The following NR5A2 variants were observed in gnomAD, a reference collection of about 807,000 sequenced individuals.
The protein encoded by NR5A2 is nuclear receptor subfamily 5 group A member 2, also known as CYP7A promoter-binding factor.
Under a neutral mutation model 62.7 loss-of-function variants are expected in NR5A2, and 26 were observed. The observed-to-expected ratio is 0.41, with a 90% confidence interval of 0.30 to 0.58. The LOEUF (loss-of-function observed/expected upper bound fraction) is 0.58. Ranked by LOEUF, NR5A2 falls within the 20% of genes least tolerant of loss-of-function variation. The probability of loss-of-function intolerance (pLI) is 0.22; values close to 1 mark genes in which losing one functional copy is unlikely to be tolerated. For missense variants in NR5A2, 541 were observed against 669.1 expected, an observed-to-expected ratio of 0.81 and a Z score of 2.11; for synonymous variants, 246 against 241.7, an observed-to-expected ratio of 1.02 and a Z score of -0.16.
rs188201353 is a variant in NR5A2, at chr1:200,158,657, G to A, written c.1379-15306G>A. On this transcript the variant is annotated intron_variant, in intron 7 of 7. Transcript: ENST00000367362. The stretch of plus-strand genomic sequence containing the variant: ...GTCACCCAGGCTGGAGTGCAGTGGC[G>A]TGATCTCAGCTCTCTGCAACCTCCA... Among the ~76,000 whole-genome samples, 405 of 152,090 alleles carry A rather than the reference G, an allele frequency of 2.7e-3. 1 individual carries two copies. Among genetic ancestry groups the A allele is most frequent in the Non-Finnish European group, 4.4e-3 (296 of 67,974 alleles).
intron 5 of NR5A2, among the ~76,000 whole-genome samples, chr1:200,052,801 C>CT (rs1405568406): frequency 1.3e-5 from 2 of 151,900 alleles, no homozygotes; most frequent in Admixed American, 1.3e-4. Flanking sequence ...GCCACCACGC[C>CT]GGCTAATTTT....
intron 4 of NR5A2, 148 bp downstream of exon 4, chr1:200,045,732 C>T: frequency 1.7e-6 from 1 of 587,366 alleles, no homozygotes; most frequent in South Asian, 3.4e-5. Context: ...GTTTCATCTG[C>T]AGAATAGTCT....
intron 7 of NR5A2, among the ~76,000 whole-genome samples, chr1:200,157,829 G>C (rs986778079): frequency 3.3e-5 from 5 of 152,130 alleles, no homozygotes; most frequent in African/African-American, 1.2e-4. Context: ...TCCACTGCAT[G>C]ATTTTTCCCC....
chr1:200,066,924 T>C (rs2737651), intron 5 of NR5A2, among the ~76,000 whole-genome samples: 32,843 of 152,210 alleles, frequency 0.22, 4,886 homozygotes, highest in African/African-American at 0.42. Flanking sequence ...CATTCTTTTA[T>C]GTACAACTTA....
At chr1:200,092,258 C>T (rs1180455270) in intron 5 of NR5A2, among the ~76,000 whole-genome samples, 1 of 152,186 alleles carries the variant, frequency 6.6e-6, no homozygotes, top group African/African-American at 2.4e-5. Flanking sequence ...TATATAATTT[C>T]AGACATAATA....
intron 7 of NR5A2, among the ~76,000 whole-genome samples, chr1:200,126,372 C>A (rs981529364): frequency 6.6e-6 from 1 of 151,972 alleles, no homozygotes; most frequent in African/African-American, 2.4e-5. Context: ...AAGCAAAGTT[C>A]TTTTATCTGT....
chr1:200,095,858 T>C (rs1433020133), intron 5 of NR5A2, among the ~76,000 whole-genome samples: 2 of 152,100 alleles, frequency 1.3e-5, no homozygotes, highest in African/African-American at 4.8e-5. Flanking sequence ...GGCCAGCAAG[T>C]AATATTTTTT....
At chr1:200,053,816 G>A (rs1662780018) in intron 5 of NR5A2, among the ~76,000 whole-genome samples, 1 of 152,140 alleles carries the variant, frequency 6.6e-6, no homozygotes, top group African/African-American at 2.4e-5. Context: ...GGCCACTGGG[G>A]TATCATTCAG....
intron 5 of NR5A2, among the ~76,000 whole-genome samples, chr1:200,089,177 G>A (rs529746576): frequency 6.6e-6 from 1 of 152,172 alleles, no homozygotes; most frequent in East Asian, 1.9e-4. Context: ...CCTCCAATAA[G>A]CCTCATTTAG....
chr1:200,105,672 C>T (rs769921349), intron 5 of NR5A2, among the ~76,000 whole-genome samples: 1 of 152,148 alleles, frequency 6.6e-6, no homozygotes, highest in Non-Finnish European at 1.5e-5. Flanking sequence ...TAATCACTGG[C>T]CAGGCTCCGG....
At chr1:200,091,291 G>A (rs537623217) in intron 5 of NR5A2, among the ~76,000 whole-genome samples, 2 of 152,128 alleles carry the variant, frequency 1.3e-5, no homozygotes, top group East Asian at 3.9e-4. Context: ...TCATTTATTA[G>A]CTCACTAAAC....
intron 3 of NR5A2, among the ~76,000 whole-genome samples, chr1:200,044,863 G>A (rs1662283426): frequency 6.6e-6 from 1 of 151,660 alleles, no homozygotes; most frequent in African/African-American, 2.4e-5. Context: ...CCTTCCATTA[G>A]TTTTGCCTTT....
chr1:200,081,299 A>G (rs1664280760), intron 5 of NR5A2, among the ~76,000 whole-genome samples: 1 of 152,160 alleles, frequency 6.6e-6, no homozygotes, highest in South Asian at 2.1e-4. Context: ...TGTGACCTAA[A>G]TGCCTCATTT....
At chr1:200,098,601 A>G (rs1395949933) in intron 5 of NR5A2, among the ~76,000 whole-genome samples, 5 of 151,760 alleles carry the variant, frequency 3.3e-5, no homozygotes, top group Non-Finnish European at 1.5e-5. Context: ...GTAGCCTTAT[A>G]TAAACCACAG....
At chr1:200,161,393 C>T (rs922076933) in intron 7 of NR5A2, among the ~76,000 whole-genome samples, 5 of 152,104 alleles carry the variant, frequency 3.3e-5, no homozygotes, top group Admixed American at 6.5e-5. Flanking sequence ...ATACAATGTA[C>T]GATCTGTTTC....
At chr1:200,088,134 G>C (rs1664640958) in intron 5 of NR5A2, among the ~76,000 whole-genome samples, 1 of 151,994 alleles carries the variant, frequency 6.6e-6, no homozygotes, top group East Asian at 1.9e-4. Context: ...TGAACTCCTA[G>C]CCTCAAGCAG....
chr1:200,123,436 G>A (rs1666564083), intron 7 of NR5A2, among the ~76,000 whole-genome samples: 3 of 152,222 alleles, frequency 2.0e-5, no homozygotes, highest in South Asian at 2.1e-4. Context: ...AGCAGCAGAT[G>A]TGGCTGGAGA....
chr1:200,077,739 G>A (rs189063247), intron 5 of NR5A2, among the ~76,000 whole-genome samples: 91 of 149,874 alleles, frequency 6.1e-4, no homozygotes, highest in Middle Eastern at 3.5e-3. Flanking sequence ...CAAACAAACT[G>A]GCAATTAATT....
At chr1:200,072,944 A>C (rs922403357) in intron 5 of NR5A2, among the ~76,000 whole-genome samples, 27 of 152,188 alleles carry the variant, frequency 1.8e-4, no homozygotes, top group Non-Finnish European at 1.0e-4. Flanking sequence ...CAATTTGCCA[A>C]GGAAATTCTT....
Sources: allele counts gnomAD v4.1 joint callset (sites outside exome capture counted in the v4.1 genomes callset), GRCh38; gene constraint gnomAD v4.1.1; transcripts MANE v1.5; gene names NCBI Gene and HGNC (gene_info 2026-07-23, HGNC 2026-07-21).